CREB3L2: variants seen among roughly 807,000 people sequenced by gnomAD.
CREB3L2 encodes cAMP responsive element binding protein 3 like 2, also known as cyclic AMP-responsive element-binding protein 3-like protein 2.
Under a neutral mutation model 57.2 loss-of-function variants are expected in CREB3L2, and 23 were observed. That is an observed-to-expected ratio of 0.40 (90% CI 0.29 to 0.57). The LOEUF (loss-of-function observed/expected upper bound fraction) is 0.57. CREB3L2 is among the 20% of genes least tolerant of loss of function. The pLI, the probability that CREB3L2 is intolerant of heterozygous loss-of-function variation, is 0.42. For synonymous variants in CREB3L2, 268 were observed against 265.1 expected, an observed-to-expected ratio of 1.01 and a Z score of -0.11; for missense variants, 628 against 634.7, an observed-to-expected ratio of 0.99 and a Z score of 0.11.
intron 8 of CREB3L2, among the ~76,000 whole-genome samples, chr7:137,890,509 T>C (rs562650820): frequency 6.6e-6 from 1 of 152,338 alleles, no homozygotes. Context: ...GACTGCTATG[T>C]GCCTTTAATC....
In CREB3L2 at chr7:137,945,789, T is replaced by C. The variant is rs541614197; in HGVS notation, c.103-17423A>G. On this transcript the variant is annotated intron_variant, in intron 1 of 11. Coordinates refer to ENST00000330387, the MANE Select transcript of CREB3L2 (RefSeq NM_194071.4). ...CAAATGCTGGAAAGGAGCTCCTCTT[T>C]ATTCACCCGCCTCCTCATGAGGGTG... is the stretch of plus-strand genomic sequence containing the variant. 2.6e-5 allele frequency among the ~76,000 whole-genome samples: 4 copies of C among 152,322 alleles called. No homozygotes were observed. In the East Asian group the frequency reaches 7.7e-4, roughly 29 times the overall value.
In CREB3L2 at chr7:137,922,461, T is replaced by C. The variant is rs944430379; in HGVS notation, c.319+5689A>G. The C allele has an allele frequency of 6.6e-3, 620 of 94,642 alleles. 22 individuals are homozygous for C. Among genetic ancestry groups the C allele is most frequent in the African/African-American group, 0.036 (568 of 15,676 alleles). The allele number at this position is 94,642 out of a possible 1,614,324, so 5.9% of individuals were successfully genotyped here. A position where few individuals can be genotyped will look rare whatever the true frequency, so the allele number is the denominator to read the frequency against. ...ACGTATATATATATATATACACACA[T>C]ATATATATACACACATATATATATA... On this transcript the variant is annotated intron_variant, in intron 2 of 11. Coordinates refer to ENST00000330387, the MANE Select transcript of CREB3L2 (RefSeq NM_194071.4).
chr7:137,905,617 C>T (rs887869216), intron 6 of CREB3L2, 85 bp downstream of exon 6: 19 of 1,440,916 alleles, frequency 1.3e-5, no homozygotes, highest in Non-Finnish European at 1.8e-5. Context: ...TGGGGTAGTG[C>T]TGGCCGTTGG....
rs1563264395 is a variant in CREB3L2, at chr7:137,953,519, G to GGAAA, written c.103-25157_103-25154dup. On this transcript the variant is annotated intron_variant, in intron 1 of 11. Transcript: ENST00000330387. ...CCCCAACACACGACTCTCCTGAAAG[G>GGAAA]GAAAGGTATGCGGGTTTGCAGAGGA... is the stretch of plus-strand genomic sequence containing the variant. 7.0e-6 allele frequency: 9 copies of GGAAA among 1,289,132 alleles called. No individual in the cohort carries two copies. In the South Asian group the frequency reaches 9.9e-5, roughly 14 times the overall value. 79.9% of individuals were successfully genotyped at this position (1,289,132 alleles called of 1,614,324 possible).
At chr7:137,920,710 G>A (rs1432984749) in intron 2 of CREB3L2, among the ~76,000 whole-genome samples, 1 of 152,124 alleles carries the variant, frequency 6.6e-6, no homozygotes, top group African/African-American at 2.4e-5. Flanking sequence ...TTGTAGATTG[G>A]CTGATCAGAC....
At chr7:137,882,877 T>A (rs749017707) in intron 10 of CREB3L2, among the ~76,000 whole-genome samples, 33 of 151,426 alleles carry the variant, frequency 2.2e-4, no homozygotes, top group Middle Eastern at 3.2e-3. Flanking sequence ...CAAGGCAAAC[T>A]ACCACCCCCA....
At chr7:137,989,432 GTTTTT>G (rs33944427) in intron 1 of CREB3L2, among the ~76,000 whole-genome samples, 2 of 106,032 alleles carry the variant, frequency 1.9e-5, no homozygotes, top group South Asian at 3.2e-4. Context: ...CTTTTCTCCA[GTTTTT>G]TTTTTTTTTT....
intron 1 of CREB3L2, among the ~76,000 whole-genome samples, chr7:137,931,189 A>G: frequency 6.6e-6 from 1 of 151,550 alleles, no homozygotes; most frequent in Admixed American, 6.6e-5. Context: ...CCATGATTGT[A>G]CCATTGCACT....
chr7:137,927,257 A>AGAAAG lies in CREB3L2; in HGVS notation c.319+892_319+893insCTTTC, dbSNP rs1554498582. ...AGGAAGGGAGGGAACGGAACGGAAC[A>AGAAAG]GAACGGAAAGGAAAGGAAAGGAGGA... On this transcript the variant is annotated intron_variant, in intron 2 of 11. Transcript: ENST00000330387. Among the ~76,000 whole-genome samples the AGAAAG allele has an allele frequency of 1.7e-3, 220 of 126,240 alleles. 1 individual carries two copies. The highest frequency in any genetic ancestry group is 8.3e-3 in the African/African-American group (209 of 25,322). 82.8% of individuals were successfully genotyped at this position (126,240 alleles called of 152,430 possible).
intron 1 of CREB3L2, among the ~76,000 whole-genome samples, chr7:137,952,401 C>T (rs377715526): frequency 2.0e-5 from 3 of 152,176 alleles, no homozygotes; most frequent in African/African-American, 7.2e-5. Flanking sequence ...AGGATATCCC[C>T]GCCCAGCCCT....
intron 8 of CREB3L2, among the ~76,000 whole-genome samples, chr7:137,898,782 G>A (rs779450309): frequency 2.0e-5 from 3 of 151,978 alleles, no homozygotes; most frequent in Admixed American, 6.6e-5. Flanking sequence ...CAACTGACTC[G>A]GCCTTTACTA....
chr7:137,978,366 C>T (rs1018365993), intron 1 of CREB3L2, among the ~76,000 whole-genome samples: 1 of 152,100 alleles, frequency 6.6e-6, no homozygotes, highest in African/African-American at 2.4e-5. Context: ...GGTCCAAATT[C>T]CTATATGGTA....
In CREB3L2 at chr7:138,001,865, C is replaced by A; in HGVS notation, c.-160G>T. ...GGAAAGCAAACGTCTGCTCCTCTGC[C>A]GGAGAGAGGATGGCCAAGCGCTCCC... On this transcript the variant is annotated 5_prime_UTR_variant, in exon 1 of 12. Transcript: ENST00000330387. This position sits in a 1 kb window ranked among gnomAD's most constrained non-coding sequence, Gnocchi z 4.2. 7.9e-6 allele frequency: 4 copies of A among 506,792 alleles called. No individual in the cohort carries two copies. The highest frequency in any genetic ancestry group is 2.9e-5 in the South Asian group (1 of 35,080). The allele number at this position is 506,792 out of a possible 1,614,324, so 31.4% of individuals were successfully genotyped here. A position where few individuals can be genotyped will look rare whatever the true frequency, so the allele number is the denominator to read the frequency against.
rs1799186550 is a variant in CREB3L2, at chr7:137,877,621, G to C, written c.*2855C>G. The C allele has an allele frequency of 4.4e-6, 1 of 226,174 alleles. No individual in the cohort carries two copies. The highest frequency in any genetic ancestry group is 8.8e-6 in the Non-Finnish European group (1 of 113,784). The allele number at this position is 226,174 out of a possible 1,614,324, so 14.0% of individuals were successfully genotyped here. On this transcript the variant is annotated 3_prime_UTR_variant, in exon 12 of 12. Transcript: ENST00000330387. ...GGTGCAATCTAAGAAAGGGAAATGG[G>C]AAACTTGTTTACATGATGAAAAATA...
At chr7:137,956,298 A>G (rs1194256675) in intron 1 of CREB3L2, among the ~76,000 whole-genome samples, 2 of 152,248 alleles carry the variant, frequency 1.3e-5, no homozygotes, top group Non-Finnish European at 2.9e-5. Flanking sequence ...TTCATTATAG[A>G]GCATTTTCAA....
rs1799398920 is a variant in CREB3L2 at position 137,885,506 on chromosome 7, C to A, written c.1044-4G>T. The A allele has an allele frequency of 1.2e-6, 2 of 1,609,778 alleles. No individual in the cohort carries two copies. The highest frequency in any genetic ancestry group is 1.7e-5 in the Admixed American group (1 of 59,984). On this transcript the variant is annotated splice_polypyrimidine_tract_variant and splice_region_variant and intron_variant, in intron 8 of 11. Transcript: ENST00000330387. ...CTGGAGTTGCTGAAGGAGAGTCCTGCCAATGATAACAACAGCCGTGAGGGG... is the reference window on the plus strand; with the variant it reads ...CTGGAGTTGCTGAAGGAGAGTCCTGACAATGATAACAACAGCCGTGAGGGG...
rs766303477 is a variant in CREB3L2, at chr7:137,885,372, G to A, written c.1143+31C>T. On this transcript the variant is annotated intron_variant, in intron 9 of 11. Coordinates refer to ENST00000330387, the MANE Select transcript of CREB3L2 (RefSeq NM_194071.4). Reference sequence around the variant, plus strand: ...GGGAGACAGGGGCCAGGCCAGGGGCGGTCACTGTGCTACCCTGCTGGGAAG... The same window carrying A: ...GGGAGACAGGGGCCAGGCCAGGGGCAGTCACTGTGCTACCCTGCTGGGAAG... The A allele has an allele frequency of 5.2e-5, 82 of 1,570,352 alleles. 1 individual carries two copies. The highest frequency in any genetic ancestry group is 2.6e-4 in the South Asian group (23 of 90,006).
intron 2 of CREB3L2, among the ~76,000 whole-genome samples, chr7:137,917,203 G>A (rs948400768): frequency 2.2e-4 from 33 of 152,132 alleles, no homozygotes; most frequent in Non-Finnish European, 4.6e-4. Flanking sequence ...GAGACAAGAC[G>A]GAACAGACAG....
chr7:137,928,009 C>T, intron 2 of CREB3L2, 141 bp downstream of exon 2: 2 of 734,230 alleles, frequency 2.7e-6, no homozygotes, highest in Non-Finnish European at 4.6e-6. Flanking sequence ...CCCCACAGCC[C>T]AAGCACAAGG....
Sources: allele counts gnomAD v4.1 joint callset (sites outside exome capture counted in the v4.1 genomes callset), GRCh38; gene constraint gnomAD v4.1.1; non-coding constraint Gnocchi (gnomAD v3.1); transcripts MANE v1.5; gene names NCBI Gene and HGNC (gene_info 2026-07-23, HGNC 2026-07-21).